The following CYP27C1 variants were observed in gnomAD, a reference collection of about 807,000 sequenced individuals.
CYP27C1 encodes the protein cytochrome P450 27C1.
In CYP27C1, 29 loss-of-function variants were observed where a neutral mutation model predicts 40.6. The observed-to-expected ratio is 0.71, with a 90% CI of 0.53 to 0.97. The LOEUF is 0.97. CYP27C1 is among the 50% of genes least tolerant of loss of function. The probability of loss-of-function intolerance (pLI) is 0.00; values close to 1 mark genes in which losing one functional copy is unlikely to be tolerated. For synonymous variants in CYP27C1, 198 were observed against 186.8 expected, an observed-to-expected ratio of 1.06 and a Z score of -0.49; for missense variants, 390 against 485.8, an observed-to-expected ratio of 0.80 and a Z score of 1.85.
At chr2:127,213,294 C>T (rs995096264) in intron 1 of CYP27C1, among the ~76,000 whole-genome samples, 1 of 138,002 alleles carries the variant, frequency 7.2e-6, no homozygotes, top group Non-Finnish European at 1.5e-5. Context: ...CATTGACATT[C>T]TTCACAGAAT....
chr2:127,189,848 C>T (rs1682724941), intron 8 of CYP27C1, among the ~76,000 whole-genome samples: 1 of 152,204 alleles, frequency 6.6e-6, no homozygotes, highest in Admixed American at 6.5e-5. Flanking sequence ...TACATTCAGC[C>T]TGCCAACTGT....
At chr2:127,204,555 G>GAGAGAAAGAA (rs1553503372) in intron 2 of CYP27C1, among the ~76,000 whole-genome samples, 13 of 39,184 alleles carry the variant, frequency 3.3e-4, no homozygotes, top group South Asian at 2.2e-3. Flanking sequence ...GAGAGAGAGA[G>GAGAGAAAGAA]AGAAAGAAAG....
chr2:127,215,857 A>G (rs911214484), intron 1 of CYP27C1, among the ~76,000 whole-genome samples: 1 of 151,966 alleles, frequency 6.6e-6, no homozygotes, highest in African/African-American at 2.4e-5. Context: ...GGGAGGGAGG[A>G]AGGAAGAAGA....
intron 5 of CYP27C1, among the ~76,000 whole-genome samples, chr2:127,198,187 A>ACACACACAC (rs1682949879): frequency 1.1e-4 from 1 of 8,936 alleles, no homozygotes; most frequent in African/African-American, 4.5e-4. Context: ...ATTTGTTGAT[A>ACACACACAC]CACACACACA....
chr2:127,202,495 G>A (rs1293982265), intron 3 of CYP27C1, among the ~76,000 whole-genome samples: 1 of 152,150 alleles, frequency 6.6e-6, no homozygotes, highest in Non-Finnish European at 1.5e-5. Context: ...ACCCTTTATT[G>A]TTTAAAAATA....
intron 1 of CYP27C1, among the ~76,000 whole-genome samples, chr2:127,211,665 G>A (rs745530401): frequency 3.3e-5 from 5 of 152,164 alleles, no homozygotes; most frequent in East Asian, 3.9e-4. Flanking sequence ...GATTACAGGC[G>A]TGAGCCACTG....
Position 127,218,766 on chromosome 2 carries a change from G to T in CYP27C1, c.282+1223C>A, listed in dbSNP as rs1291647579. ...GACAGGCCTGGGTGGGAGGAGAAGG[G>T]GGCGTTCTCGGAAGACACCAAAAGC... On this transcript the variant is annotated intron_variant, in intron 1 of 8. Transcript: ENST00000664447. The surrounding 1 kb of genome is among the most constrained non-coding windows in gnomAD (Gnocchi z 6.0). 6.6e-6 allele frequency among the ~76,000 whole-genome samples: 1 copy of T among 152,206 alleles called. No homozygotes were observed. Among genetic ancestry groups the T allele is most frequent in the Non-Finnish European group, 1.5e-5 (1 of 68,032 alleles).
chr2:127,187,142 G>A lies in CYP27C1; in HGVS notation c.*129C>T, dbSNP rs1200168232. 1.3e-6 allele frequency: 1 copy of A among 744,906 alleles called. No homozygotes were observed. The highest frequency in any genetic ancestry group is 1.8e-5 in the African/African-American group (1 of 57,056). 46.1% of individuals were successfully genotyped at this position (744,906 alleles called of 1,614,324 possible). A position where few individuals can be genotyped will look rare whatever the true frequency, so the allele number is the denominator to read the frequency against. The stretch of plus-strand genomic sequence containing the variant: ...GATTTACAAGTGTCCCAGGACCTGG[G>A]AGGCCAGTCTATAACAAGACAGCCT... On this transcript the variant is annotated 3_prime_UTR_variant, in exon 9 of 9. Coordinates refer to ENST00000664447, the MANE Select transcript of CYP27C1 (RefSeq NM_001367502.1).
At chr2:127,211,369 G>GTTTTTTTTTTT (rs371826841) in intron 1 of CYP27C1, among the ~76,000 whole-genome samples, 92 of 94,938 alleles carry the variant, frequency 9.7e-4, no homozygotes, top group African/African-American at 2.0e-3. Context: ...GTGTTTTTTT[G>GTTTTTTTTTTT]TTTTTTTTTT....
At position 127,187,403 on chromosome 2, in the gene CYP27C1, G is replaced by C; in HGVS notation, c.1498-16C>G. 6.2e-7 allele frequency: 1 copy of C among 1,604,490 alleles called. No individual in the cohort carries two copies. Among genetic ancestry groups the C allele is most frequent in the South Asian group, 1.1e-5 (1 of 90,820 alleles). ...GTTGAAGCAACTAAGAAGAGAAAGA[G>C]AGAGAAGGGGTCAGAATTGGAACAG... On this transcript the variant is annotated splice_polypyrimidine_tract_variant and intron_variant, in intron 8 of 8. Coordinates refer to ENST00000664447, the MANE Select transcript of CYP27C1 (RefSeq NM_001367502.1).
intron 1 of CYP27C1, among the ~76,000 whole-genome samples, chr2:127,211,015 C>T (rs552754505): frequency 2.6e-5 from 4 of 152,274 alleles, no homozygotes; most frequent in South Asian, 2.1e-4. Flanking sequence ...ATCAAGTGGA[C>T]CTAGTAGATG....
chr2:127,204,276 GA>G (rs1683108497), intron 2 of CYP27C1, among the ~76,000 whole-genome samples: 1 of 109,254 alleles, frequency 9.2e-6, no homozygotes, highest in South Asian at 3.1e-4. Flanking sequence ...AAAAAAAAAA[GA>G]AAGAAAGAGA....
At chr2:127,194,610 G>A (rs540926098) in intron 6 of CYP27C1, among the ~76,000 whole-genome samples, 1 of 152,248 alleles carries the variant, frequency 6.6e-6, no homozygotes, top group African/African-American at 2.4e-5. Context: ...CTCACTGGGT[G>A]GCGTCTAAAC....
chr2:127,199,653 G>C, intron 4 of CYP27C1, 114 bp from the exon 5 acceptor site: 1 of 1,179,108 alleles, frequency 8.5e-7, no homozygotes, highest in Non-Finnish European at 1.1e-6. Flanking sequence ...GGTGACAGAG[G>C]GTAAGGAAAC....
chr2:127,193,357 A>AG, intron 7 of CYP27C1, 60 bp from the exon 8 acceptor site: 1 of 1,599,040 alleles, frequency 6.3e-7, no homozygotes, highest in Non-Finnish European at 8.6e-7. Flanking sequence ...AGAGCAGGGC[A>AG]GGGCCCAGAG....
Position 127,219,575 on chromosome 2 carries a change from T to G in CYP27C1, c.282+414A>C, listed in dbSNP as rs1683507937. On this transcript the variant is annotated intron_variant, in intron 1 of 8. Transcript: ENST00000664447. The surrounding 1 kb of genome is among the most constrained non-coding windows in gnomAD (Gnocchi z 8.7). ...CCCCAGGGGTCCCGGCTGGGGCCCCTCCAGGGGACCCCTCCCTGCCGCCAC... is the reference window on the plus strand; with the variant it reads ...CCCCAGGGGTCCCGGCTGGGGCCCCGCCAGGGGACCCCTCCCTGCCGCCAC... Among the ~76,000 whole-genome samples the G allele has an allele frequency of 6.7e-6, 1 of 149,140 alleles. No homozygotes were observed. Among genetic ancestry groups the G allele is most frequent in the Non-Finnish European group, 1.5e-5 (1 of 67,252 alleles).
intron 3 of CYP27C1, among the ~76,000 whole-genome samples, chr2:127,202,232 C>T (rs1683050819): frequency 6.6e-6 from 1 of 151,854 alleles, no homozygotes; most frequent in African/African-American, 2.4e-5. Context: ...TCAAGCGATT[C>T]TCCTGCCTCA....
Position 127,193,253 on chromosome 2 carries a change from C to T in CYP27C1, c.1338G>A (p.Glu446=). 1.2e-6 allele frequency: 2 copies of T among 1,614,206 alleles called. No individual in the cohort carries two copies. Among genetic ancestry groups the T allele is most frequent in the Non-Finnish European group, 1.7e-6 (2 of 1,180,048 alleles). ...GGAACTCCTTGGCCCGAGGGAAGTT[C>T]TCATCCTGGTACGATGTGGCATAGT... is the stretch of plus-strand genomic sequence containing the variant. The part of the protein sequence containing the change: ...LCHYATSYQD[E]NFPRAKEFRP... The change falls in exon 8 of 9, where the codon GAG becomes GAA. Residue 446 remains glutamate, a synonymous_variant. Coordinates refer to ENST00000664447, the MANE Select transcript of CYP27C1 (RefSeq NM_001367502.1).
rs1292040230 is a variant in CYP27C1 at position 127,185,495 on chromosome 2, T to A, written c.*1776A>T. 6.6e-6 allele frequency: 1 copy of A among 152,236 alleles called. No individual in the cohort carries two copies. Among genetic ancestry groups the A allele is most frequent in the African/African-American group, 2.4e-5 (1 of 41,468 alleles). The allele number at this position is 152,236 out of a possible 1,614,324, so 9.4% of individuals were successfully genotyped here. The stretch of plus-strand genomic sequence containing the variant: ...CAGTCTCAAACAGAATGCAATTTCA[T>A]CTAGTTTATAAAACTTAATATACGT... On this transcript the variant is annotated 3_prime_UTR_variant, in exon 9 of 9. Coordinates refer to ENST00000664447, the MANE Select transcript of CYP27C1 (RefSeq NM_001367502.1). The surrounding 1 kb of genome is among the most constrained non-coding windows in gnomAD (Gnocchi z 4.9).
Sources: allele counts gnomAD v4.1 joint callset (sites outside exome capture counted in the v4.1 genomes callset), GRCh38; gene constraint gnomAD v4.1.1; non-coding constraint Gnocchi (gnomAD v3.1); transcripts MANE v1.5; gene names NCBI Gene and HGNC (gene_info 2026-07-23, HGNC 2026-07-21).